The following REG3A variants were observed in gnomAD, a reference collection of about 807,000 sequenced individuals.
REG3A encodes regenerating islet-derived protein 3-alpha.
REG3A carries 15 observed loss-of-function variants against 20.5 expected under a neutral mutation model. The ratio of observed to expected loss-of-function variants is 0.73; its 90% CI spans 0.49 to 1.12. The LOEUF (loss-of-function observed/expected upper bound fraction) is 1.12, where lower values mean the gene tolerates loss of function less well. Ranked by LOEUF, REG3A falls within the 50% of genes most tolerant of loss-of-function variation. The pLI is 0.00. For synonymous variants in REG3A, 93 were observed against 83.2 expected, an observed-to-expected ratio of 1.12 and a Z score of -0.64; for missense variants, 224 against 213.1, an observed-to-expected ratio of 1.05 and a Z score of -0.32.
In REG3A at chr2:79,157,038, C is replaced by G. The variant is rs1673329913; in HGVS notation, c.*188G>C. 1.6e-6 allele frequency: 1 copy of G among 613,454 alleles called. No individual in the cohort carries two copies. The highest frequency in any genetic ancestry group is 2.7e-5 in the East Asian group (1 of 36,674). 38.0% of individuals were successfully genotyped at this position (613,454 alleles called of 1,614,324 possible). A position where few individuals can be genotyped will look rare whatever the true frequency, so the allele number is the denominator to read the frequency against. On this transcript the variant is annotated 3_prime_UTR_variant, in exon 6 of 6. Transcript: ENST00000305165. ...TAAAAATTTTATTGCTCTTTAAAGCCTTAGGCCGTATGACAAAATGAAGAG... is the reference window on the plus strand; with the variant it reads ...TAAAAATTTTATTGCTCTTTAAAGCGTTAGGCCGTATGACAAAATGAAGAG...
intron 2 of REG3A, 120 bp from the exon 3 acceptor site, chr2:79,158,889 A>T: frequency 1.4e-6 from 1 of 708,726 alleles, no homozygotes; most frequent in Non-Finnish European, 2.4e-6. Flanking sequence ...ACACCCCTTC[A>T]TCTTCCCTTA....
At chr2:79,159,254 C>T (rs970837356) in intron 2 of REG3A, 76 bp downstream of exon 2, 16 of 1,473,834 alleles carry the variant, frequency 1.1e-5, no homozygotes, top group Non-Finnish European at 1.5e-5. Context: ...CCTCACATGA[C>T]ACACAGGAGC....
chr2:79,158,776 T>C lies in REG3A; in HGVS notation c.77-7A>G, dbSNP rs1247908709. ...TCCCTCTGGGGTTCTTCACCTGAGG[T>C]GGAAGAAGAGGGGGGAGGGTAAAAT... is the stretch of plus-strand genomic sequence containing the variant. On this transcript the variant is annotated splice_region_variant and splice_polypyrimidine_tract_variant and intron_variant, in intron 2 of 5. Transcript: ENST00000305165. The C allele has an allele frequency of 1.2e-6, 2 of 1,600,314 alleles. No homozygotes were observed. Among genetic ancestry groups the C allele is most frequent in the East Asian group, 2.2e-5 (1 of 44,588 alleles).
chr2:79,157,294 C>G lies in REG3A; in HGVS notation c.461-1G>C. The G allele has an allele frequency of 6.2e-7, 1 of 1,613,214 alleles. No individual in the cohort carries two copies. The highest frequency in any genetic ancestry group is 8.5e-7 in the Non-Finnish European group (1 of 1,179,310). On this transcript the variant is annotated splice_acceptor_variant, in intron 5 of 5. Coordinates refer to ENST00000305165, the MANE Select transcript of REG3A (RefSeq NM_002580.3). LOFTEE classifies it high-confidence loss of function. ...TTATAATCTTTCCACCTCAGAAATG[C>G]TGGAGAGACAGAAGACATAAATGGA... is the stretch of plus-strand genomic sequence containing the variant.
rs747687128 is a variant in REG3A at position 79,157,241 on chromosome 2, G to T, written c.513C>A (p.Cys171Ter). Residue 171 changes from cysteine to a stop codon, truncating the protein, a stop_gained, in exon 6 of 6, where the codon TGC becomes TGA. Coordinates refer to ENST00000305165, the MANE Select transcript of REG3A (RefSeq NM_002580.3). LOFTEE classifies it high-confidence loss of function. ...YNCNVRLPYV[C>*]KFTD is the part of the protein sequence containing the mutation. ...CCCTCCTGCACTAGTCAGTGAACTT[G>T]CAGACATAGGGTAACCTCACATTAC... 6.2e-7 allele frequency: 1 copy of T among 1,613,870 alleles called. No homozygotes were observed. The highest frequency in any genetic ancestry group is 8.5e-7 in the Non-Finnish European group (1 of 1,179,788).
Position 79,158,760 on chromosome 2 carries a change from G to T in REG3A, c.86C>A (p.Pro29His), listed in dbSNP as rs374191223. Reference protein sequence around the residue: ...MLLSQVQGEEPQRELPSARIR... With the variant: ...MLLSQVQGEEHQRELPSARIR... ...CCGTGCAGAGGGCAGTTCCCTCTGG[G>T]GTTCTTCACCTGAGGTGGAAGAAGA... Residue 29 changes from proline to histidine, a missense_variant, in exon 3 of 6, where the codon CCC becomes CAC. Transcript: ENST00000305165. 1.2e-6 allele frequency: 2 copies of T among 1,613,046 alleles called. No individual in the cohort carries two copies. Among genetic ancestry groups the T allele is most frequent in the Non-Finnish European group, 1.7e-6 (2 of 1,179,268 alleles).
chr2:79,157,184 T>G lies in REG3A; in HGVS notation c.*42A>C. ...CCTCACACTGGTCTCATGCCCATGA[T>G]GAGTTGCACACCAAACACAGGCTGC... On this transcript the variant is annotated 3_prime_UTR_variant, in exon 6 of 6. Coordinates refer to ENST00000305165, the MANE Select transcript of REG3A (RefSeq NM_002580.3). The G allele has an allele frequency of 6.6e-7, 1 of 1,508,012 alleles. No homozygotes were observed. The highest frequency in any genetic ancestry group is 9.2e-7 in the Non-Finnish European group (1 of 1,083,382). 93.4% of individuals were successfully genotyped at this position (1,508,012 alleles called of 1,614,324 possible).
chr2:79,157,907 T>C (rs56271358), intron 4 of REG3A, among the ~76,000 whole-genome samples: 25,714 of 152,126 alleles, frequency 0.17, 2,876 homozygotes, highest in African/African-American at 0.31. Context: ...TTGGAACAAC[T>C]CAAGGTAATA....
chr2:79,158,313 G>C lies in REG3A; in HGVS notation c.333+13C>G, dbSNP rs374064368. ...CCTTGAGAGGTAACAGAGAGGGGAGGATATACTGGCACCTGTGTGGGGTCA... is the reference window on the plus strand; with the variant it reads ...CCTTGAGAGGTAACAGAGAGGGGAGCATATACTGGCACCTGTGTGGGGTCA... On this transcript the variant is annotated intron_variant, in intron 4 of 5. Transcript: ENST00000305165. 6 of 1,612,088 alleles carry C rather than the reference G, an allele frequency of 3.7e-6. No homozygotes were observed. Among genetic ancestry groups the C allele is most frequent in the Non-Finnish European group, 5.1e-6 (6 of 1,178,960 alleles).
At chr2:79,158,191 C>G in intron 4 of REG3A, 135 bp downstream of exon 4, 2 of 1,042,286 alleles carry the variant, frequency 1.9e-6, no homozygotes, top group East Asian at 2.5e-5. Flanking sequence ...CCTTCCCTTT[C>G]CCCCCAAATA....
At position 79,158,733 on chromosome 2, in the gene REG3A, ATCCGTGCAGAG is replaced by A; in HGVS notation, c.102_112del (p.Ser35ProfsTer46). ...GGCCTTGGAGCCTTTGGGACAGCGGATCCGTGCAGAGGGCAGTTCCCTCTGGGGTTCTTCAC... is the reference window on the plus strand; with the variant it reads ...GGCCTTGGAGCCTTTGGGACAGCGGAGGCAGTTCCCTCTGGGGTTCTTCAC... On this transcript the variant is annotated frameshift_variant, in exon 3 of 6. Transcript: ENST00000305165. LOFTEE classifies it high-confidence loss of function. 2 of 1,613,924 alleles carry A rather than the reference ATCCGTGCAGAG, an allele frequency of 1.2e-6. No homozygotes were observed. Among genetic ancestry groups the A allele is most frequent in the Non-Finnish European group, 1.7e-6 (2 of 1,179,972 alleles).
rs1294222630 is a variant in REG3A at position 79,158,709 on chromosome 2, G to A, written c.137C>T (p.Ala46Val). 1 of 1,613,972 alleles carries A rather than the reference G, an allele frequency of 6.2e-7. No individual in the cohort carries two copies. Among genetic ancestry groups the A allele is most frequent in the African/African-American group, 1.3e-5 (1 of 74,902 alleles). The change falls in exon 3 of 6, where the codon GCC becomes GTC. Residue 46 changes from alanine (A) to valine (V), a missense_variant. Ala to Val is a moderately conservative substitution (Grantham distance 64, BLOSUM62 0). Coordinates refer to ENST00000305165, the MANE Select transcript of REG3A (RefSeq NM_002580.3). ...ARIRCPKGSK[A>V]YGSHCYALFL... Reference sequence around the variant, plus strand: ...CAAGGCATAGCAGTGGGAGCCATAGGCCTTGGAGCCTTTGGGACAGCGGAT... The same window carrying A: ...CAAGGCATAGCAGTGGGAGCCATAGACCTTGGAGCCTTTGGGACAGCGGAT...
Position 79,157,223 on chromosome 2 carries a change from G to T in REG3A, c.*3C>A, listed in dbSNP as rs1475619133. ...AACACAGGCTGCTGACTTCCCTCCT[G>T]CACTAGTCAGTGAACTTGCAGACAT... On this transcript the variant is annotated 3_prime_UTR_variant, in exon 6 of 6. Coordinates refer to ENST00000305165, the MANE Select transcript of REG3A (RefSeq NM_002580.3). 1.2e-6 allele frequency: 2 copies of T among 1,612,462 alleles called. No individual in the cohort carries two copies. The highest frequency in any genetic ancestry group is 1.7e-6 in the Non-Finnish European group (2 of 1,178,590).
intron 4 of REG3A, 108 bp from the exon 5 acceptor site, chr2:79,157,806 G>T (rs1673349583): frequency 1.4e-6 from 2 of 1,430,744 alleles, no homozygotes; most frequent in Admixed American, 2.1e-5. Context: ...AGGAAAGTTG[G>T]TCTGCTATTC....
intron 2 of REG3A, 62 bp downstream of exon 2, chr2:79,159,268 C>T (rs1673391054): frequency 6.5e-7 from 1 of 1,545,504 alleles, no homozygotes; most frequent in South Asian, 1.1e-5. Context: ...CAGGAGCCTT[C>T]CTCCTCTTGT....
At chr2:79,158,238 C>T (rs898395065) in intron 4 of REG3A, 88 bp downstream of exon 4, 3 of 1,466,730 alleles carry the variant, frequency 2.0e-6, no homozygotes, top group African/African-American at 1.4e-5. Context: ...CCCTGAAGTA[C>T]TTCCTGGGCA....
chr2:79,157,811 C>A (rs746583876), intron 4 of REG3A, 113 bp from the exon 5 acceptor site: 35 of 1,375,368 alleles, frequency 2.5e-5, no homozygotes, highest in Non-Finnish European at 2.5e-5. Context: ...AGTTGGTCTG[C>A]TATTCCAGAT....
In REG3A at chr2:79,158,283, T is replaced by C. The variant is rs1313593156; in HGVS notation, c.333+43A>G. 12 of 1,597,874 alleles carry C rather than the reference T, an allele frequency of 7.5e-6. No individual in the cohort carries two copies. In the Admixed American group the frequency reaches 1.0e-4, roughly 13 times the overall value. ...GACAGGGAGTGGGCCTGGGCAACAA[T>C]AGCACCTTGAGAGGTAACAGAGAGG... is the stretch of plus-strand genomic sequence containing the variant. On this transcript the variant is annotated intron_variant, in intron 4 of 5. Transcript: ENST00000305165.
intron 4 of REG3A, 47 bp downstream of exon 4, chr2:79,158,279 A>G: frequency 1.3e-6 from 2 of 1,592,568 alleles, no homozygotes; most frequent in East Asian, 2.2e-5. Context: ...GGCCTGGGCA[A>G]CAATAGCACC....
Sources: gnomAD v4.1 joint callset for allele counts (sites outside exome capture counted in the v4.1 genomes callset) on GRCh38, gnomAD v4.1.1 for gene constraint, MANE v1.5 for transcripts, NCBI Gene and HGNC (gene_info 2026-07-23, HGNC 2026-07-21) for gene names.